Variants in NHSL1 observed in about 807,000 individuals in gnomAD.
NHSL1 encodes the protein NHS-like protein 1.
Under a neutral mutation model 95.0 loss-of-function variants are expected in NHSL1, and 48 were observed. The ratio of observed to expected loss-of-function variants is 0.51; its 90% CI spans 0.40 to 0.64. The LOEUF is 0.64. Ranked by LOEUF, NHSL1 falls within the 30% of genes least tolerant of loss-of-function variation. The pLI is 0.00. For missense variants in NHSL1, 1,971 were observed against 2,077.7 expected, an observed-to-expected ratio of 0.95 and a Z score of 1.00; for synonymous variants, 783 against 833.9, an observed-to-expected ratio of 0.94 and a Z score of 1.05.
chr6:138,608,580 T>G (rs1355655137), intron 1 of NHSL1, among the ~76,000 whole-genome samples: 1 of 152,264 alleles, frequency 6.6e-6, no homozygotes, highest in Non-Finnish European at 1.5e-5. Flanking sequence ...GCCTATTAAG[T>G]TTGATAAAAC....
intron 2 of NHSL1, 37 bp downstream of exon 2, chr6:138,496,182 A>G (rs1183554267): frequency 1.3e-6 from 2 of 1,549,148 alleles, no homozygotes; most frequent in Non-Finnish European, 1.7e-6. Context: ...GCAGCCAGTA[A>G]CCCAAGAAAA....
intron 1 of NHSL1, chr6:138,691,976 G>A (rs1419477325): frequency 2.2e-6 from 1 of 456,606 alleles, no homozygotes; most frequent in Admixed American, 2.3e-5. Flanking sequence ...CAGGTAGGCG[G>A]CGGGAAGAGA....
intron 2 of NHSL1, among the ~76,000 whole-genome samples, chr6:138,495,395 C>T (rs1027940737): frequency 1.3e-5 from 2 of 152,160 alleles, no homozygotes; most frequent in South Asian, 2.1e-4. Flanking sequence ...TTGGGTGATA[C>T]CCCAGTTCTG....
intron 1 of NHSL1, among the ~76,000 whole-genome samples, chr6:138,571,338 A>G (rs1783832449): frequency 6.6e-6 from 1 of 152,202 alleles, no homozygotes; most frequent in Non-Finnish European, 1.5e-5. Flanking sequence ...GCAGTTTCAC[A>G]AGAGTTCCAC....
intron 1 of NHSL1, among the ~76,000 whole-genome samples, chr6:138,595,935 C>T (rs1271572310): frequency 2.6e-5 from 4 of 152,146 alleles, no homozygotes; most frequent in African/African-American, 9.7e-5. Flanking sequence ...TTATTATTAG[C>T]ATGGTGGTGT....
At chr6:138,568,802 AAG>A (rs1783713717) in intron 1 of NHSL1, among the ~76,000 whole-genome samples, 1 of 152,244 alleles carries the variant, frequency 6.6e-6, no homozygotes, top group Admixed American at 6.5e-5. Context: ...TCAAAAGAAA[AAG>A]AAAATCAAGC....
At chr6:138,615,402 A>C (rs1203110266) in intron 1 of NHSL1, among the ~76,000 whole-genome samples, 1 of 152,268 alleles carries the variant, frequency 6.6e-6, no homozygotes. Context: ...CAGGTTATCT[A>C]TGAATGGAGA....
chr6:138,476,957 T>TAAAAAAAAAAAAA (rs58311101), intron 2 of NHSL1, among the ~76,000 whole-genome samples: 1 of 100,514 alleles, frequency 9.9e-6, no homozygotes, highest in African/African-American at 3.8e-5. Context: ...TCCCTGAATC[T>TAAAAAAAAAAAAA]AAAAAAAAAA....
Position 138,446,855 on chromosome 6 carries a change from A to C in NHSL1, c.532+146T>G, listed in dbSNP as rs1312389013. 9.7e-6 allele frequency: 7 copies of C among 722,976 alleles called. No individual in the cohort carries two copies. The African/African-American group carries it at 1.2e-4, about 13-fold the overall frequency. 44.8% of individuals were successfully genotyped at this position (722,976 alleles called of 1,614,324 possible). A position where few individuals can be genotyped will look rare whatever the true frequency, so the allele number is the denominator to read the frequency against. Reference sequence around the variant, plus strand: ...TATATGCACACACATATGTAGTTTTAATATTCCTCTCATTAAACAAAGAGC... The same window carrying C: ...TATATGCACACACATATGTAGTTTTCATATTCCTCTCATTAAACAAAGAGC... On this transcript the variant is annotated intron_variant, in intron 4 of 7. Coordinates refer to ENST00000343505, the MANE Select transcript of NHSL1 (RefSeq NM_001144060.2).
intron 3 of NHSL1, among the ~76,000 whole-genome samples, chr6:138,453,218 G>T (rs149371213): frequency 2.0e-5 from 3 of 151,830 alleles, no homozygotes; most frequent in Non-Finnish European, 2.9e-5. Flanking sequence ...CAGGTAATCC[G>T]CCCGCCTCAG....
At chr6:138,610,883 G>A (rs1784503203) in intron 1 of NHSL1, among the ~76,000 whole-genome samples, 1 of 152,058 alleles carries the variant, frequency 6.6e-6, no homozygotes, top group African/African-American at 2.4e-5. Context: ...TTCAAGACCA[G>A]CCTGACGAAC....
intron 1 of NHSL1, among the ~76,000 whole-genome samples, chr6:138,647,432 T>G (rs1015633895): frequency 2.0e-5 from 3 of 152,182 alleles, no homozygotes; most frequent in Non-Finnish European, 4.4e-5. Flanking sequence ...CTAAGCTTAT[T>G]CACTTTTTTA....
Position 138,433,162 on chromosome 6 carries a change from T to C in NHSL1, c.1183A>G (p.Ile395Val), listed in dbSNP as rs138480322. Residue 395 changes from isoleucine (I) to valine (V), a missense_variant, in exon 6 of 8, where the codon ATA becomes GTA. Coordinates refer to ENST00000343505, the MANE Select transcript of NHSL1 (RefSeq NM_001144060.2). ...GAAACCACACACGCTGGGCTCATTA[T>C]ATTTTCACTCTCGAAGTGTCTCAAC... ...QELRHFESEN[I>V]MSPACVVSPH... The C allele has an allele frequency of 2.7e-4, 415 of 1,551,472 alleles. 1 individual carries two copies. In the African/African-American group the frequency reaches 5.1e-3, roughly 19 times the overall value.
At chr6:138,436,545 T>C (rs1224672273) in intron 5 of NHSL1, among the ~76,000 whole-genome samples, 1 of 152,236 alleles carries the variant, frequency 6.6e-6, no homozygotes, top group Non-Finnish European at 1.5e-5. Flanking sequence ...AACATAAAAG[T>C]GAAGCAGCAA....
chr6:138,504,172 T>A (rs1378746375), upstream of NHSL1, among the ~76,000 whole-genome samples: 2 of 151,824 alleles, frequency 1.3e-5, no homozygotes, highest in East Asian at 3.9e-4. Context: ...AAGTTTGAGG[T>A]TGCAGTGAGC....
At chr6:138,683,557 G>A (rs184017798) in intron 1 of NHSL1, among the ~76,000 whole-genome samples, 102 of 152,340 alleles carry the variant, frequency 6.7e-4, no homozygotes, top group Middle Eastern at 3.4e-3. Flanking sequence ...GAAGGAAAAG[G>A]GAAAAGCCCA....
chr6:138,554,562 T>A (rs1233436674), intron 1 of NHSL1, among the ~76,000 whole-genome samples: 1 of 152,206 alleles, frequency 6.6e-6, no homozygotes, highest in Non-Finnish European at 1.5e-5. Flanking sequence ...AACAAAAAGA[T>A]AAAATTCCAG....
At chr6:138,572,838 C>T (rs1783888762), upstream of NHSL1, among the ~76,000 whole-genome samples, 1 of 114,822 alleles carries the variant, frequency 8.7e-6, no homozygotes, top group African/African-American at 3.8e-5. Context: ...TGAGAAGGGG[C>T]TTAATACAGT....
chr6:138,565,704 C>T (rs1004769043), intron 1 of NHSL1, among the ~76,000 whole-genome samples: 1 of 151,850 alleles, frequency 6.6e-6, no homozygotes, highest in Non-Finnish European at 1.5e-5. Context: ...GCAGGAGGAT[C>T]ACTTGAGGCC....
Sources: gnomAD v4.1 joint callset for allele counts (sites outside exome capture counted in the v4.1 genomes callset) on GRCh38, gnomAD v4.1.1 for gene constraint, MANE v1.5 for transcripts, NCBI Gene and HGNC (gene_info 2026-07-23, HGNC 2026-07-21) for gene names.